LRRC4C: variants seen among roughly 807,000 people sequenced by gnomAD.
LRRC4C encodes leucine rich repeat containing 4C, also known as leucine-rich repeat-containing protein 4C.
LRRC4C carries 5 observed loss-of-function variants against 33.6 expected under a neutral mutation model. That is an observed-to-expected ratio of 0.15 (90% confidence interval 0.08 to 0.31). The LOEUF (loss-of-function observed/expected upper bound fraction) is 0.31. Among genes scored for constraint, LRRC4C ranks in the 10% least tolerant of loss-of-function variants. The pLI is 1.00. For synonymous variants in LRRC4C, 329 were observed against 302.0 expected (o/e 1.09, Z -0.93); for missense variants, 560 against 796.7 (o/e 0.70, Z 3.58).
chr11:40,934,404 G>A lies in LRRC4C; in HGVS notation c.-495-681C>T, dbSNP rs141775170. On this transcript the variant is annotated intron_variant, in intron 1 of 6. Transcript: ENST00000528697. ...TGGAAAATATTTTATCTGCATGTGC[G>A]TGTGTGTGCACTCGTGTGTTTACTT... Among the ~76,000 whole-genome samples, 38 of 152,194 alleles carry A rather than the reference G, an allele frequency of 2.5e-4. 1 individual carries two copies. The highest frequency in any genetic ancestry group is 6.7e-4 in the African/African-American group (28 of 41,534).
intron 3 of LRRC4C, among the ~76,000 whole-genome samples, chr11:40,411,828 T>A (rs1950166252): frequency 6.6e-6 from 1 of 152,032 alleles, no homozygotes; most frequent in African/African-American, 2.4e-5. Context: ...AGTGATAATA[T>A]AACCATGGTA....
intron 1 of LRRC4C, among the ~76,000 whole-genome samples, chr11:41,214,618 C>T (rs1255965798): frequency 7.2e-6 from 1 of 139,526 alleles, no homozygotes; most frequent in Non-Finnish European, 1.5e-5. Context: ...GGCGTGGTGG[C>T]GGGCGCCTGT....
At chr11:40,829,681 T>A (rs557548754) in intron 2 of LRRC4C, among the ~76,000 whole-genome samples, 4 of 152,168 alleles carry the variant, frequency 2.6e-5, no homozygotes, top group African/African-American at 7.2e-5. Context: ...TAAAAAATTC[T>A]ATTCTGCTAC....
chr11:41,377,648 C>T (rs574394154), intron 1 of LRRC4C, among the ~76,000 whole-genome samples: 1 of 152,284 alleles, frequency 6.6e-6, no homozygotes, highest in South Asian at 2.1e-4. Context: ...AATTTCTCCA[C>T]TTAGAAAACA....
intron 3 of LRRC4C, among the ~76,000 whole-genome samples, chr11:40,543,488 C>T (rs1956803014): frequency 6.6e-6 from 1 of 152,040 alleles, no homozygotes; most frequent in Admixed American, 6.6e-5. Context: ...GCACACAGAC[C>T]CTCAGATGCC....
intron 4 of LRRC4C, among the ~76,000 whole-genome samples, chr11:40,315,746 C>T (rs1945544834): frequency 6.6e-6 from 1 of 152,002 alleles, no homozygotes; most frequent in South Asian, 2.1e-4. Context: ...GGAAGTGGCA[C>T]ATTTTAAAGA....
At chr11:40,584,095 G>A (rs1188753790) in intron 3 of LRRC4C, among the ~76,000 whole-genome samples, 5 of 149,480 alleles carry the variant, frequency 3.3e-5, no homozygotes, top group African/African-American at 4.9e-5. Flanking sequence ...ATAGCTTCCT[G>A]TGGAGCAGGT....
At chr11:41,403,757 C>T (rs915350170) in intron 1 of LRRC4C, among the ~76,000 whole-genome samples, 13 of 152,060 alleles carry the variant, frequency 8.5e-5, no homozygotes, top group African/African-American at 2.9e-4. Context: ...CTCCTCCTCC[C>T]CCTCCTTTGG....
At chr11:40,987,670 TAA>T (rs1565274656) in intron 1 of LRRC4C, among the ~76,000 whole-genome samples, 1,780 of 39,452 alleles carry the variant, frequency 0.045, 112 homozygotes, top group African/African-American at 0.06. Context: ...ATATGAGATA[TAA>T]ATGATATATA....
chr11:40,271,671 T>C (rs1942711524), intron 4 of LRRC4C, among the ~76,000 whole-genome samples: 1 of 152,168 alleles, frequency 6.6e-6, no homozygotes, highest in Admixed American at 6.6e-5. Flanking sequence ...CACTGGGGTA[T>C]AACACACTCA....
intron 1 of LRRC4C, among the ~76,000 whole-genome samples, chr11:41,454,361 G>C (rs1043388441): frequency 2.6e-5 from 4 of 152,072 alleles, no homozygotes; most frequent in African/African-American, 7.2e-5. Context: ...AATTCCAAGG[G>C]GCCGCCTTTA....
chr11:41,090,462 T>C (rs547755927), intron 1 of LRRC4C, among the ~76,000 whole-genome samples: 4 of 152,162 alleles, frequency 2.6e-5, no homozygotes, highest in Non-Finnish European at 4.4e-5. Flanking sequence ...TTCAAAAAGA[T>C]TGATATGCTT....
intron 3 of LRRC4C, among the ~76,000 whole-genome samples, chr11:40,611,436 G>T (rs537441527): frequency 1.3e-5 from 2 of 151,972 alleles, no homozygotes; most frequent in African/African-American, 4.8e-5. Flanking sequence ...TAGGGGAAAA[G>T]CTTCTTAGCA....
intron 2 of LRRC4C, among the ~76,000 whole-genome samples, chr11:40,826,378 T>G (rs1156468246): frequency 6.6e-6 from 1 of 151,940 alleles, no homozygotes; most frequent in South Asian, 2.1e-4. Context: ...CACCAATTAC[T>G]GTGAATAGAG....
At chr11:41,437,425 G>GCACACA (rs58445388) in intron 1 of LRRC4C, among the ~76,000 whole-genome samples, 34 of 149,266 alleles carry the variant, frequency 2.3e-4, no homozygotes, top group South Asian at 1.1e-3. Context: ...GCGCGCGCGC[G>GCACACA]CACACACACA....
chr11:41,421,026 A>G, intron 1 of LRRC4C, among the ~76,000 whole-genome samples: 1 of 152,040 alleles, frequency 6.6e-6, no homozygotes, highest in East Asian at 1.9e-4. Flanking sequence ...TTTAGAGTTC[A>G]AATCCTAATA....
intron 1 of LRRC4C, among the ~76,000 whole-genome samples, chr11:41,402,339 A>G (rs887976312): frequency 2.0e-4 from 31 of 152,042 alleles, no homozygotes; most frequent in Admixed American, 9.2e-4. Context: ...TCTTTAGAAA[A>G]ATAAAATGAG....
chr11:40,511,958 T>C (rs898619986), intron 3 of LRRC4C, among the ~76,000 whole-genome samples: 2 of 152,158 alleles, frequency 1.3e-5, no homozygotes, highest in African/African-American at 4.8e-5. Context: ...TCAGATGTAC[T>C]ACATATACAG....
rs574431458 is a variant in LRRC4C, at chr11:40,455,065, A to G, written c.-269-135344T>C. Among the ~76,000 whole-genome samples, 251 of 152,298 alleles carry G rather than the reference A, an allele frequency of 1.6e-3. 1 individual carries two copies. The highest frequency in any genetic ancestry group is 2.7e-3 in the Admixed American group (41 of 15,288). ...ATCTGTCATGTATGTCACAACAATG[A>G]AAACAGCACAACTGGCTTCAACCAG... On this transcript the variant is annotated intron_variant, in intron 3 of 6. Transcript: ENST00000528697.
Sources: allele counts gnomAD v4.1 joint callset (sites outside exome capture counted in the v4.1 genomes callset), GRCh38; gene constraint gnomAD v4.1.1; transcripts MANE v1.5; gene names NCBI Gene and HGNC (gene_info 2026-07-23, HGNC 2026-07-21).